The following RHOT1 variants were observed in gnomAD, a reference collection of about 807,000 sequenced individuals.
The protein encoded by RHOT1 is mitochondrial Rho GTPase 1.
A neutral mutation model predicts 95.3 loss-of-function variants in RHOT1; 27 were observed. The ratio of observed to expected loss-of-function variants is 0.28; its 90% confidence interval spans 0.21 to 0.39. RHOT1 has a LOEUF of 0.39. Ranked by LOEUF, RHOT1 falls within the 10% of genes least tolerant of loss-of-function variation. The pLI is 1.00. For synonymous variants in RHOT1, 227 were observed against 263.5 expected, an observed-to-expected ratio of 0.86 and a Z score of 1.34; for missense variants, 578 against 786.7, an observed-to-expected ratio of 0.73 and a Z score of 3.17.
At chr17:32,146,294 A>G (rs2031312832) in intron 1 of RHOT1, among the ~76,000 whole-genome samples, 1 of 152,144 alleles carries the variant, frequency 6.6e-6, no homozygotes. Flanking sequence ...CAGTGGCTAG[A>G]ACAGACCTGG....
At chr17:32,165,522 C>CAA (rs113306708) in intron 1 of RHOT1, among the ~76,000 whole-genome samples, 5 of 134,992 alleles carry the variant, frequency 3.7e-5, no homozygotes, top group African/African-American at 1.1e-4. Context: ...GACCCTGTCT[C>CAA]AAAAAAAAAA....
At chr17:32,173,747 AG>A (rs1328652237) in intron 2 of RHOT1, 83 bp from the exon 3 acceptor site, 53 of 896,620 alleles carry the variant, frequency 5.9e-5, no homozygotes, top group Non-Finnish European at 9.1e-5. Flanking sequence ...CAACCTGTGT[AG>A]ATAAATTTAT....
chr17:32,142,679 C>T lies in RHOT1; in HGVS notation c.-14C>T, dbSNP rs1354293055. 4 of 1,529,120 alleles carry T rather than the reference C, an allele frequency of 2.6e-6. No homozygotes were observed. Among genetic ancestry groups the T allele is most frequent in the Non-Finnish European group, 8.8e-7 (1 of 1,139,184 alleles). 94.7% of individuals were successfully genotyped at this position (1,529,120 alleles called of 1,614,324 possible). A position where few individuals can be genotyped will look rare whatever the true frequency, so the allele number is the denominator to read the frequency against. Reference sequence around the variant, plus strand: ...GTGCGTGCGGGCGGAGGCCGGCCCCCGAGAGCCGCCGACATGAAGAAAGAC... The same window carrying T: ...GTGCGTGCGGGCGGAGGCCGGCCCCTGAGAGCCGCCGACATGAAGAAAGAC... On this transcript the variant is annotated 5_prime_UTR_variant, in exon 1 of 20. Coordinates refer to ENST00000545287, the MANE Select transcript of RHOT1 (RefSeq NM_001033566.3).
intron 1 of RHOT1, among the ~76,000 whole-genome samples, chr17:32,145,738 G>A (rs2031220187): frequency 6.6e-6 from 1 of 152,174 alleles, no homozygotes; most frequent in South Asian, 2.1e-4. Flanking sequence ...TAATGAGCCA[G>A]GTGTGGTGGC....
intron 2 of RHOT1, among the ~76,000 whole-genome samples, chr17:32,172,434 G>A (rs1024466529): frequency 1.6e-4 from 24 of 152,258 alleles, no homozygotes; most frequent in Non-Finnish European, 3.2e-4. Flanking sequence ...TGTGTTTTTG[G>A]TTTTTTAAAA....
At chr17:32,166,495 T>C (rs1208368775) in intron 1 of RHOT1, among the ~76,000 whole-genome samples, 1 of 152,236 alleles carries the variant, frequency 6.6e-6, no homozygotes, top group Non-Finnish European at 1.5e-5. Context: ...GATTTCTCTG[T>C]AGCATGTGAT....
intron 17 of RHOT1, among the ~76,000 whole-genome samples, 166 bp from the exon 18 acceptor site, chr17:32,207,941 A>G (rs900659665): frequency 1.3e-5 from 2 of 152,200 alleles, no homozygotes; most frequent in African/African-American, 2.4e-5. Flanking sequence ...CTTATTTATT[A>G]TATGAGATTT....
intron 15 of RHOT1, among the ~76,000 whole-genome samples, chr17:32,203,119 CATTAAATGACTACAG>C (rs1270459777): frequency 1.3e-5 from 2 of 151,938 alleles, no homozygotes; most frequent in Admixed American, 6.6e-5. Context: ...TTTAAATGGG[CATTAAATGACTACAG>C]ATGTGAAAGC....
intron 19 of RHOT1, among the ~76,000 whole-genome samples, chr17:32,215,309 A>C (rs1284464328): frequency 6.6e-6 from 1 of 152,106 alleles, no homozygotes; most frequent in African/African-American, 2.4e-5. Context: ...AATTTTGGTC[A>C]CTGAAATAGA....
intron 19 of RHOT1, among the ~76,000 whole-genome samples, chr17:32,212,933 G>C (rs1425650380): frequency 6.6e-6 from 1 of 151,996 alleles, no homozygotes; most frequent in East Asian, 1.9e-4. Context: ...GGTTTTCACA[G>C]TACCTCTTAA....
At chr17:32,144,256 G>A (rs1051994811) in intron 1 of RHOT1, among the ~76,000 whole-genome samples, 3 of 152,134 alleles carry the variant, frequency 2.0e-5, no homozygotes, top group African/African-American at 7.2e-5. Flanking sequence ...CTGGAGTGCA[G>A]TGCCTGGGAT....
intron 19 of RHOT1, among the ~76,000 whole-genome samples, chr17:32,217,523 G>A (rs768600466): frequency 3.3e-5 from 5 of 152,054 alleles, no homozygotes; most frequent in Non-Finnish European, 7.4e-5. Flanking sequence ...TTGGGAGGCC[G>A]AGGAGGGCAG....
chr17:32,198,904 C>T (rs748457843), intron 11 of RHOT1, 43 bp from the exon 12 acceptor site: 2 of 1,284,274 alleles, frequency 1.6e-6, no homozygotes, highest in Non-Finnish European at 2.2e-6. Context: ...TAAATTTTAA[C>T]ATTTGATTAA....
intron 11 of RHOT1, 49 bp from the exon 12 acceptor site, chr17:32,198,898 T>C: frequency 8.0e-7 from 1 of 1,256,908 alleles, no homozygotes; most frequent in Non-Finnish European, 1.1e-6. Context: ...ATTTCTTAAA[T>C]TTTAACATTT....
intron 9 of RHOT1, 33 bp downstream of exon 9, chr17:32,192,332 CTTTTTT>C (rs397857197): frequency 3.5e-3 from 1,879 of 540,132 alleles, no homozygotes; most frequent in Middle Eastern, 5.3e-3. Context: ...ATTTGCGTAT[CTTTTTT>C]TTTTTTTTTT....
intron 18 of RHOT1, among the ~76,000 whole-genome samples, chr17:32,210,281 C>T (rs1394538701): frequency 6.6e-6 from 1 of 152,132 alleles, no homozygotes; most frequent in African/African-American, 2.4e-5. Context: ...GACCACTGAA[C>T]AGTCATTGGA....
At chr17:32,198,421 A>G (rs1000483786) in intron 11 of RHOT1, among the ~76,000 whole-genome samples, 1 of 152,196 alleles carries the variant, frequency 6.6e-6, no homozygotes, top group African/African-American at 2.4e-5. Flanking sequence ...GATATTTAAG[A>G]AAATGGGCCT....
At chr17:32,208,069 CTTG>C (rs751664093) in intron 17 of RHOT1, 35 bp from the exon 18 acceptor site, 8 of 1,559,084 alleles carry the variant, frequency 5.1e-6, no homozygotes, top group African/African-American at 4.1e-5. Context: ...AATTTTTGAA[CTTG>C]TTATCAGATT....
chr17:32,150,189 T>C (rs1368837714), intron 1 of RHOT1, among the ~76,000 whole-genome samples: 1 of 152,180 alleles, frequency 6.6e-6, no homozygotes, highest in Non-Finnish European at 1.5e-5. Flanking sequence ...TACTGAAGGA[T>C]TTTTTGACTA....
Sources: allele counts gnomAD v4.1 joint callset (sites outside exome capture counted in the v4.1 genomes callset), GRCh38; gene constraint gnomAD v4.1.1; transcripts MANE v1.5; gene names NCBI Gene and HGNC (gene_info 2026-07-23, HGNC 2026-07-21).